The following CMKLR2 variants were observed in gnomAD, a reference collection of about 807,000 sequenced individuals.
The protein encoded by CMKLR2 is chemerin chemokine-like receptor 2.
In CMKLR2, 18 loss-of-function variants were observed where a neutral mutation model predicts 23.0. The ratio of observed to expected loss-of-function variants is 0.78; its 90% CI spans 0.54 to 1.16. The LOEUF is 1.16. CMKLR2 is among the 50% of genes most tolerant of loss of function. The pLI, the probability that CMKLR2 is intolerant of heterozygous loss-of-function variation, is 0.00. For synonymous variants in CMKLR2, 158 were observed against 158.9 expected, an observed-to-expected ratio of 0.99 and a Z score of 0.05; for missense variants, 401 against 412.7, an observed-to-expected ratio of 0.97 and a Z score of 0.25.
At chr2:206,197,188 G>A (rs1034089903) in intron 1 of CMKLR2, among the ~76,000 whole-genome samples, 4 of 152,138 alleles carry the variant, frequency 2.6e-5, no homozygotes, top group East Asian at 1.9e-4. Flanking sequence ...GATTACAGGC[G>A]TGAGCCACTG....
intron 1 of CMKLR2, among the ~76,000 whole-genome samples, chr2:206,190,110 G>A (rs1339692679): frequency 6.6e-6 from 1 of 152,128 alleles, no homozygotes; most frequent in East Asian, 1.9e-4. Context: ...CCAACCCCTG[G>A]CATAGCTTAT....
rs140409125 is a variant in CMKLR2 at position 206,177,003 on chromosome 2, G to T, written c.245C>A (p.Ala82Glu). Residue 82 changes from alanine to glutamate, a missense_variant, in exon 2 of 2, where the codon GCG becomes GAG. Transcript: ENST00000621141. ...TTLWFLNLAI[A>E]DFIFLLFLPL... ...CAGAAAGAGAAGAAAAATGAAATCCGCAATGGCTAGATTGAGGAACCACAG... is the reference window on the plus strand; with the variant it reads ...CAGAAAGAGAAGAAAAATGAAATCCTCAATGGCTAGATTGAGGAACCACAG... 1.9e-6 allele frequency: 3 copies of T among 1,614,100 alleles called. No homozygotes were observed. The highest frequency in any genetic ancestry group is 1.7e-6 in the Non-Finnish European group (2 of 1,179,970).
In CMKLR2 at chr2:206,176,929, T is replaced by C. The variant is rs979898365; in HGVS notation, c.319A>G (p.Ile107Val). 1.2e-6 allele frequency: 2 copies of C among 1,614,226 alleles called. No homozygotes were observed. Among genetic ancestry groups the C allele is most frequent in the Admixed American group, 1.7e-5 (1 of 60,022 alleles). ...VAMNFHWPFG[I>V]WLCKANSFTA... ...AAGGAATTGGCTTTGCACAGCCAGA[T>C]GCCAAAGGGCCAGTGGAAATTCATG... The change falls in exon 2 of 2, where the codon ATC becomes GTC. Residue 107 changes from isoleucine to valine, a missense_variant. Transcript: ENST00000621141.
At chr2:206,205,544 A>T (rs1014975143) in intron 1 of CMKLR2, among the ~76,000 whole-genome samples, 31 of 146,218 alleles carry the variant, frequency 2.1e-4, no homozygotes, top group African/African-American at 5.5e-4. Context: ...TTTTTTTTTT[A>T]AATTTGGGGT....
chr2:206,202,859 C>G (rs1279159727), intron 1 of CMKLR2, among the ~76,000 whole-genome samples: 1 of 152,068 alleles, frequency 6.6e-6, no homozygotes, highest in African/African-American at 2.4e-5. Context: ...CCTGTCACCC[C>G]TCCATCCACT....
At chr2:206,205,680 T>C (rs191544203) in intron 1 of CMKLR2, among the ~76,000 whole-genome samples, 1 of 151,374 alleles carries the variant, frequency 6.6e-6, no homozygotes, top group East Asian at 1.9e-4. Context: ...TTTTACACAG[T>C]GTTCGGTGTA....
chr2:206,214,817 G>T (rs1395468786), upstream of CMKLR2, among the ~76,000 whole-genome samples: 1 of 151,716 alleles, frequency 6.6e-6, no homozygotes, highest in Admixed American at 6.6e-5. Context: ...AGTAGAGACG[G>T]GGTTTCACCA....
chr2:206,182,637 T>C (rs1417987516), intron 1 of CMKLR2, among the ~76,000 whole-genome samples: 1 of 151,948 alleles, frequency 6.6e-6, no homozygotes, highest in Non-Finnish European at 1.5e-5. Flanking sequence ...TTCCTTTTTT[T>C]TTTGGATGGA....
intron 1 of CMKLR2, among the ~76,000 whole-genome samples, chr2:206,181,951 C>CAA (rs34520665): frequency 7.9e-4 from 54 of 68,458 alleles, no homozygotes; most frequent in African/African-American, 1.5e-3. Flanking sequence ...AACTCCACCT[C>CAA]AAAAAAAAAA....
At chr2:206,191,702 G>A (rs938158543) in intron 1 of CMKLR2, among the ~76,000 whole-genome samples, 2 of 143,280 alleles carry the variant, frequency 1.4e-5, no homozygotes, top group African/African-American at 5.2e-5. Flanking sequence ...GGGTCTGGCT[G>A]TGTCACCTAG....
intron 1 of CMKLR2, among the ~76,000 whole-genome samples, chr2:206,179,614 C>A (rs1490369650): frequency 6.6e-6 from 1 of 152,056 alleles, no homozygotes; most frequent in Non-Finnish European, 1.5e-5. Flanking sequence ...CAGGAATAAG[C>A]CACCGCGCCC....
intron 1 of CMKLR2, among the ~76,000 whole-genome samples, chr2:206,182,059 C>A (rs778370389): frequency 4.7e-5 from 7 of 149,650 alleles, no homozygotes; most frequent in Admixed American, 1.3e-4. Flanking sequence ...ATCATCTTTA[C>A]AATAAGTAGG....
chr2:206,214,240 C>T (rs917163743), upstream of CMKLR2, among the ~76,000 whole-genome samples: 22 of 137,510 alleles, frequency 1.6e-4, no homozygotes, highest in Middle Eastern at 4.7e-3. Flanking sequence ...GGTGTGATCA[C>T]GGTTCACTGC....
At chr2:206,206,568 A>G (rs1259115330) in intron 1 of CMKLR2, among the ~76,000 whole-genome samples, 2 of 152,218 alleles carry the variant, frequency 1.3e-5, no homozygotes, top group Admixed American at 6.5e-5. Flanking sequence ...CCTGCCTCCA[A>G]AAACCTATGC....
At chr2:206,187,040 A>G (rs1438602838) in intron 1 of CMKLR2, among the ~76,000 whole-genome samples, 1 of 151,730 alleles carries the variant, frequency 6.6e-6, no homozygotes, top group African/African-American at 2.4e-5. Flanking sequence ...ATAAGAATAC[A>G]TTTTTTTCCA....
rs1424059846 is a variant in CMKLR2 at position 206,176,276 on chromosome 2, C to A, written c.972G>T (p.Lys324Asn). The change falls in exon 2 of 2, where the codon AAG becomes AAT. Residue 324 changes from lysine to asparagine, a missense_variant. Transcript: ENST00000621141. ...RFRSSVAEIL[K>N]YTLWEVSCSG... The stretch of plus-strand genomic sequence containing the variant: ...AACAGCTGACTTCCCACAGTGTGTA[C>A]TTGAGTATCTCAGCAACTGAGGACC... The A allele has an allele frequency of 4.3e-6, 7 of 1,614,032 alleles. No individual in the cohort carries two copies. The highest frequency in any genetic ancestry group is 5.9e-6 in the Non-Finnish European group (7 of 1,180,040).
chr2:206,185,548 C>G (rs1421354225), intron 1 of CMKLR2, among the ~76,000 whole-genome samples: 1 of 152,178 alleles, frequency 6.6e-6, no homozygotes, highest in Non-Finnish European at 1.5e-5. Flanking sequence ...CATATAGATG[C>G]TTTTCAGCCT....
chr2:206,207,458 C>A (rs1037260684), intron 1 of CMKLR2, among the ~76,000 whole-genome samples: 15 of 152,054 alleles, frequency 9.9e-5, no homozygotes, highest in African/African-American at 3.6e-4. Flanking sequence ...ATAATTAAAA[C>A]CAGTTGACCT....
Position 206,176,185 on chromosome 2 carries a change from G to T in CMKLR2, c.1063C>A (p.Gln355Lys). ...TKNLCLLETA[Q>K] ...ATTTGTGGAAAAGTAATAACTTATT[G>T]AGCTGTTTCCAGGAGACACAGATTC... Residue 355 changes from glutamine (Q) to lysine (K), a missense_variant, in exon 2 of 2, where the codon CAA (glutamine) becomes AAA (lysine). Transcript: ENST00000621141. 1 of 1,601,998 alleles carries T rather than the reference G, an allele frequency of 6.2e-7. No homozygotes were observed. The highest frequency in any genetic ancestry group is 8.5e-7 in the Non-Finnish European group (1 of 1,174,076).
Sources: allele counts gnomAD v4.1 joint callset (sites outside exome capture counted in the v4.1 genomes callset), GRCh38; gene constraint gnomAD v4.1.1; transcripts MANE v1.5; gene names NCBI Gene and HGNC (gene_info 2026-07-23, HGNC 2026-07-21).